The following SUPT6H variants were observed in gnomAD, a reference collection of about 807,000 sequenced individuals.
The protein encoded by SUPT6H is transcription elongation factor SPT6.
In SUPT6H, 11 loss-of-function variants were observed where a neutral mutation model predicts 222.3. That is an observed-to-expected ratio of 0.05 (90% CI 0.03 to 0.08). The LOEUF is 0.08. Among genes scored for constraint, SUPT6H ranks in the 10% least tolerant of loss-of-function variants. The probability of loss-of-function intolerance (pLI) is 1.00; values close to 1 mark genes in which losing one functional copy is unlikely to be tolerated. For missense variants in SUPT6H, 1,422 were observed against 2,216.0 expected (o/e 0.64, Z 7.19); for synonymous variants, 762 against 801.2 (o/e 0.95, Z 0.83).
At position 28,676,331 on chromosome 17, in the gene SUPT6H, G is replaced by A. The variant is rs1289138508; in HGVS notation, c.798G>A (p.Arg266=). ...CCACCAAGAAGCGTGTGAGCCGTAG[G>A]AGCATCTTTGAAATGTATGAGCCCA... The part of the protein sequence containing the change: ...KKTTKKRVSR[R]SIFEMYEPSE... Residue 266 remains arginine, a synonymous_variant, in exon 7 of 37, where the codon AGG becomes AGA. Coordinates refer to ENST00000314616, the MANE Select transcript of SUPT6H (RefSeq NM_003170.5). 1.9e-6 allele frequency: 3 copies of A among 1,613,378 alleles called. No individual in the cohort carries two copies. Among genetic ancestry groups the A allele is most frequent in the Non-Finnish European group, 2.5e-6 (3 of 1,179,938 alleles).
chr17:28,682,613 C>T (rs1225455534), intron 13 of SUPT6H, 114 bp from the exon 14 acceptor site: 24 of 1,435,220 alleles, frequency 1.7e-5, no homozygotes, highest in East Asian at 2.3e-5. Context: ...AGAGCGAGAC[C>T]GTCTCAGGAA....
At chr17:28,687,529 T>C in intron 23 of SUPT6H, 58 bp downstream of exon 23, 1 of 1,556,464 alleles carries the variant, frequency 6.4e-7, no homozygotes, top group South Asian at 1.2e-5. Flanking sequence ...AATATGAATA[T>C]ATACTTTGTC....
In SUPT6H at chr17:28,686,312, T is replaced by C; in HGVS notation, c.2488-27T>C. On this transcript the variant is annotated intron_variant, in intron 19 of 36. Coordinates refer to ENST00000314616, the MANE Select transcript of SUPT6H (RefSeq NM_003170.5). Reference sequence around the variant, plus strand: ...TGAAATCTTTACATCCTCAGAGCCATTCAGCTTCAATTTTCTTTCAATCCA... The same window carrying C: ...TGAAATCTTTACATCCTCAGAGCCACTCAGCTTCAATTTTCTTTCAATCCA... 1.9e-6 allele frequency: 3 copies of C among 1,607,524 alleles called. No individual in the cohort carries two copies. In the African/African-American group the frequency reaches 4.0e-5, roughly 21 times the overall value.
chr17:28,679,216 A>C (rs1364645111), intron 11 of SUPT6H, among the ~76,000 whole-genome samples: 1 of 152,126 alleles, frequency 6.6e-6, no homozygotes, highest in Non-Finnish European at 1.5e-5. Flanking sequence ...TACTAAAAAT[A>C]CAAAAAATTA....
chr17:28,671,114 T>G (rs534472176), intron 1 of SUPT6H: 1 of 152,256 alleles, frequency 6.6e-6, no homozygotes, highest in South Asian at 2.1e-4. Context: ...TAAGGGCAAT[T>G]TTGAGGAGAA....
intron 23 of SUPT6H, 125 bp from the exon 24 acceptor site, chr17:28,687,966 C>G (rs1438747459): frequency 3.0e-6 from 3 of 993,034 alleles, no homozygotes; most frequent in Non-Finnish European, 2.8e-6. Flanking sequence ...CGATAGCATG[C>G]TGTAGTGCTC....
At position 28,683,361 on chromosome 17, in the gene SUPT6H, C is replaced by T; in HGVS notation, c.1972C>T (p.Leu658=). 1 of 1,614,170 alleles carries T rather than the reference C, an allele frequency of 6.2e-7. No homozygotes were observed. Among genetic ancestry groups the T allele is most frequent in the Non-Finnish European group, 8.5e-7 (1 of 1,180,036 alleles). Residue 658 remains leucine, a synonymous_variant, in exon 16 of 37, where the codon CTG becomes TTG. Coordinates refer to ENST00000314616, the MANE Select transcript of SUPT6H (RefSeq NM_003170.5). The stretch of plus-strand genomic sequence containing the variant: ...AGATGACCAGTTTCTCAAGATATGC[C>T]TGGCTGAAGACGAAGGGCTCCTCAC... ...LRDDQFLKIC[L]AEDEGLLTTD...
At chr17:28,682,088 C>A in intron 13 of SUPT6H, 108 bp downstream of exon 13, 1 of 826,884 alleles carries the variant, frequency 1.2e-6, no homozygotes, top group Non-Finnish European at 1.9e-6. Context: ...GGTCAATCAC[C>A]AATCCAATCC....
Position 28,688,242 on chromosome 17 carries a change from G to A in SUPT6H, c.3134+24G>A, listed in dbSNP as rs376221574. The stretch of plus-strand genomic sequence containing the variant: ...AGGTGATGCCCTCTGCCTGGATGGG[G>A]CAGGAGGAATTCCCTTGTGGGCTTT... On this transcript the variant is annotated intron_variant, in intron 24 of 36. Transcript: ENST00000314616. This position sits in a 1 kb window ranked among gnomAD's most constrained non-coding sequence, Gnocchi z 4.3. The A allele has an allele frequency of 1.2e-6, 2 of 1,608,364 alleles. No homozygotes were observed. Among genetic ancestry groups the A allele is most frequent in the Non-Finnish European group, 1.7e-6 (2 of 1,177,272 alleles).
At chr17:28,671,671 G>A (rs933056798) in intron 1 of SUPT6H, among the ~76,000 whole-genome samples, 16 of 152,174 alleles carry the variant, frequency 1.1e-4, no homozygotes, top group Admixed American at 4.6e-4. Context: ...CTGAAAGCAG[G>A]GAAGTAGAAG....
chr17:28,686,631 T>G lies in SUPT6H; in HGVS notation c.2565-23T>G, dbSNP rs1022379380. The G allele has an allele frequency of 2.6e-6, 4 of 1,563,480 alleles. No individual in the cohort carries two copies. In the African/African-American group the frequency reaches 5.5e-5, roughly 21 times the overall value. On this transcript the variant is annotated intron_variant, in intron 20 of 36. Coordinates refer to ENST00000314616, the MANE Select transcript of SUPT6H (RefSeq NM_003170.5). ...GTCCATCCCTAAGAAAACATATTCA[T>G]TGACCAACACTCATCCCACCAGGGA... is the stretch of plus-strand genomic sequence containing the variant.
chr17:28,682,538 C>T (rs1022354982), intron 13 of SUPT6H, among the ~76,000 whole-genome samples, 189 bp from the exon 14 acceptor site: 1 of 152,116 alleles, frequency 6.6e-6, no homozygotes, highest in Admixed American at 6.5e-5. Context: ...GGAGGATCAC[C>T]TGAGCCCAGG....
rs1380693481 is a variant in SUPT6H at position 28,675,409 on chromosome 17, G to A, written c.547G>A (p.Asp183Asn). 1.2e-6 allele frequency: 2 copies of A among 1,613,956 alleles called. No homozygotes were observed. Among genetic ancestry groups the A allele is most frequent in the Non-Finnish European group, 1.7e-6 (2 of 1,180,020 alleles). ...EEDDEESDIDDFIVDDDGQPL... is the reference protein window; with the variant it reads ...EEDDEESDIDNFIVDDDGQPL... The stretch of plus-strand genomic sequence containing the variant: ...ATCCTTTTCCTACCCAGATATTGAC[G>A]ACTTCATTGTGGATGATGATGGACA... The change falls in exon 6 of 37, where the codon GAC (aspartate) becomes AAC (asparagine). Residue 183 changes from aspartate (D) to asparagine (N), a missense_variant. Physicochemically the swap from Asp to Asn is conservative, Grantham distance 23. Coordinates refer to ENST00000314616, the MANE Select transcript of SUPT6H (RefSeq NM_003170.5).
intron 1 of SUPT6H, among the ~76,000 whole-genome samples, chr17:28,666,217 A>G (rs188453389): frequency 1.3e-5 from 2 of 152,340 alleles, no homozygotes; most frequent in Non-Finnish European, 2.9e-5. Flanking sequence ...AGGTTGTCTT[A>G]TTACAGGATC....
At chr17:28,682,070 G>T in intron 13 of SUPT6H, 90 bp downstream of exon 13, 1 of 1,060,172 alleles carries the variant, frequency 9.4e-7, no homozygotes, top group Non-Finnish European at 1.4e-6. Context: ...AAAAAGAAAG[G>T]CTATCTGGGT....
At chr17:28,675,845 C>A (rs2030713618) in intron 6 of SUPT6H, among the ~76,000 whole-genome samples, 5 of 152,190 alleles carry the variant, frequency 3.3e-5, no homozygotes, top group Admixed American at 3.3e-4. Flanking sequence ...AAAGCTTTTG[C>A]CCTGAGGGAA....
intron 19 of SUPT6H, 52 bp from the exon 20 acceptor site, chr17:28,686,287 T>C (rs1597707497): frequency 6.5e-7 from 1 of 1,540,638 alleles, no homozygotes; most frequent in East Asian, 2.2e-5. Context: ...CAGAATTTCC[T>C]GAAATCTTTA....
chr17:28,675,611 CAAAT>C, intron 6 of SUPT6H, 126 bp downstream of exon 6: 1 of 908,634 alleles, frequency 1.1e-6, no homozygotes, highest in South Asian at 1.5e-5. Context: ...TTCCCTGCCT[CAAAT>C]AACCTCTACC....
At chr17:28,690,299 C>G in intron 26 of SUPT6H, 70 bp downstream of exon 26, 2 of 1,560,468 alleles carry the variant, frequency 1.3e-6, no homozygotes, top group Non-Finnish European at 1.7e-6. Context: ...AACCAAGCAG[C>G]AGTTCCAACA....
Sources: allele counts gnomAD v4.1 joint callset (sites outside exome capture counted in the v4.1 genomes callset), GRCh38; gene constraint gnomAD v4.1.1; non-coding constraint Gnocchi (gnomAD v3.1); transcripts MANE v1.5; gene names NCBI Gene and HGNC (gene_info 2026-07-23, HGNC 2026-07-21).